The following MAP3K13 variants were observed in gnomAD, a reference collection of about 807,000 sequenced individuals.
MAP3K13 encodes mitogen-activated protein kinase kinase kinase 13.
Under a neutral mutation model 104.0 loss-of-function variants are expected in MAP3K13, and 52 were observed. The ratio of observed to expected loss-of-function variants is 0.50; its 90% CI spans 0.40 to 0.63. The LOEUF (loss-of-function observed/expected upper bound fraction) is 0.63, where lower values mean the gene tolerates loss of function less well. MAP3K13 is among the 20% of genes least tolerant of loss of function. The pLI is 0.00. For missense variants in MAP3K13, 914 were observed against 1,218.5 expected, an observed-to-expected ratio of 0.75 and a Z score of 3.72; for synonymous variants, 394 against 442.2, an observed-to-expected ratio of 0.89 and a Z score of 1.37.
At chr3:185,474,949 G>A (rs1303144966) in intron 11 of MAP3K13, among the ~76,000 whole-genome samples, 1 of 152,012 alleles carries the variant, frequency 6.6e-6, no homozygotes, top group African/African-American at 2.4e-5. Flanking sequence ...ACAAAAATTA[G>A]CCAGGCGTGG....
intron 1 of MAP3K13, among the ~76,000 whole-genome samples, chr3:185,381,561 C>T (rs1351741645): frequency 5.9e-5 from 9 of 152,180 alleles, no homozygotes; most frequent in Admixed American, 5.9e-4. Flanking sequence ...TTTTAGCTCT[C>T]CTATTGTAAA....
At chr3:185,428,432 C>G (rs1714550478) in intron 1 of MAP3K13, 65 bp from the exon 2 acceptor site, 7 of 1,037,506 alleles carry the variant, frequency 6.7e-6, no homozygotes, top group Middle Eastern at 3.3e-4. Flanking sequence ...TTAATGCAAA[C>G]AGAAGTGTCG....
intron 1 of MAP3K13, among the ~76,000 whole-genome samples, chr3:185,388,620 TAG>T (rs1251121616): frequency 6.6e-6 from 1 of 152,164 alleles, no homozygotes; most frequent in African/African-American, 2.4e-5. Context: ...CAAAGCAATC[TAG>T]AGAGTCAATG....
intron 2 of MAP3K13, chr3:185,292,874 A>G: frequency 3.0e-6 from 3 of 984,174 alleles, no homozygotes; most frequent in Non-Finnish European, 3.6e-6. Flanking sequence ...TATGGGAGTT[A>G]TAGATTATAA....
At position 185,402,750 on chromosome 3, in the gene MAP3K13, A is replaced by G. The variant is rs7428038; in HGVS notation, c.-85-25747A>G. Among the ~76,000 whole-genome samples the G allele has an allele frequency of 8.2e-3, 1,242 of 152,260 alleles. 52 individuals carry two copies. The highest frequency in any genetic ancestry group is 0.071 in the East Asian group (368 of 5,180). On this transcript the variant is annotated intron_variant, in intron 1 of 13. Transcript: ENST00000265026. The stretch of plus-strand genomic sequence containing the variant: ...CATATATAATTATGTGCGCATGTGT[A>G]AAAAACCCAGCCCTGATAGGAAAGA...
At chr3:185,365,946 TCCC>T (rs1352021836) in intron 1 of MAP3K13, among the ~76,000 whole-genome samples, 3 of 49,818 alleles carry the variant, frequency 6.0e-5, no homozygotes, top group African/African-American at 6.2e-5. Context: ...CCTCCCTCCC[TCCC>T]TCCCTTCCTT....
chr3:185,398,515 C>T (rs947132273), intron 1 of MAP3K13, among the ~76,000 whole-genome samples: 1 of 152,198 alleles, frequency 6.6e-6, no homozygotes, highest in Non-Finnish European at 1.5e-5. Flanking sequence ...ATCTCCCCTA[C>T]AAGATATTAC....
intron 3 of MAP3K13, 133 bp from the exon 4 acceptor site, chr3:185,443,312 A>T (rs770044702): frequency 6.0e-4 from 364 of 605,482 alleles, no homozygotes; most frequent in Non-Finnish European, 7.4e-4. Context: ...TAATTTGAGA[A>T]TCAGGAACTA....
chr3:185,283,924 C>T (rs1489029793), intron 1 of MAP3K13, among the ~76,000 whole-genome samples: 1 of 129,112 alleles, frequency 7.7e-6, no homozygotes, highest in Non-Finnish European at 1.6e-5. Flanking sequence ...TTTTCTGAGA[C>T]GGAGTCTCGC....
At chr3:185,436,511 C>T (rs1715035603) in intron 2 of MAP3K13, among the ~76,000 whole-genome samples, 2 of 152,172 alleles carry the variant, frequency 1.3e-5, no homozygotes, top group South Asian at 4.1e-4. Context: ...GGAGAATTTA[C>T]TTAACCACCC....
intron 11 of MAP3K13, among the ~76,000 whole-genome samples, chr3:185,474,498 C>G (rs1314665495): frequency 6.6e-6 from 1 of 152,196 alleles, no homozygotes; most frequent in East Asian, 1.9e-4. Flanking sequence ...ATTCCTAGGG[C>G]ACATTAACAG....
intron 2 of MAP3K13, among the ~76,000 whole-genome samples, chr3:185,429,719 C>G (rs2088107318): frequency 6.6e-6 from 1 of 152,080 alleles, no homozygotes; most frequent in African/African-American, 2.4e-5. Flanking sequence ...AATTTAAAAC[C>G]AGACAGAAGC....
intron 2 of MAP3K13, among the ~76,000 whole-genome samples, chr3:185,305,567 T>C (rs1207755587): frequency 6.6e-6 from 1 of 152,224 alleles, no homozygotes; most frequent in East Asian, 1.9e-4. Flanking sequence ...TGTATTTACC[T>C]GTGTATTTAC....
chr3:185,434,925 A>G (rs1355974185), intron 2 of MAP3K13, among the ~76,000 whole-genome samples: 1 of 152,154 alleles, frequency 6.6e-6, no homozygotes, highest in Non-Finnish European at 1.5e-5. Flanking sequence ...GAGTCCAGTA[A>G]TAATACTTTA....
At chr3:185,396,581 TA>T (rs1712435669) in intron 1 of MAP3K13, among the ~76,000 whole-genome samples, 1 of 152,180 alleles carries the variant, frequency 6.6e-6, no homozygotes, top group Non-Finnish European at 1.5e-5. Context: ...CAAATGAAAT[TA>T]AAATGTATGA....
intron 1 of MAP3K13, among the ~76,000 whole-genome samples, chr3:185,381,917 T>G (rs1472517576): frequency 6.6e-6 from 1 of 152,224 alleles, no homozygotes; most frequent in Non-Finnish European, 1.5e-5. Flanking sequence ...TGGCTCAATA[T>G]TCACTAGTTC....
At chr3:185,297,057 G>A (rs1720940377) in intron 2 of MAP3K13, among the ~76,000 whole-genome samples, 1 of 152,068 alleles carries the variant, frequency 6.6e-6, no homozygotes, top group Admixed American at 6.6e-5. Context: ...TTTGTTCTCT[G>A]GCACAGGTCA....
intron 7 of MAP3K13, among the ~76,000 whole-genome samples, chr3:185,452,220 TTTA>T (rs1157411997): frequency 7.2e-5 from 11 of 151,888 alleles, no homozygotes; most frequent in African/African-American, 2.2e-4. Context: ...TCTCAAAACT[TTTA>T]TTTTTATTTT....
At chr3:185,426,397 T>C (rs1714423098) in intron 1 of MAP3K13, among the ~76,000 whole-genome samples, 1 of 152,140 alleles carries the variant, frequency 6.6e-6, no homozygotes, top group Admixed American at 6.6e-5. Flanking sequence ...GATGTTTTCA[T>C]TGGTTCACTA....
Sources: gnomAD v4.1 joint callset for allele counts (sites outside exome capture counted in the v4.1 genomes callset) on GRCh38, gnomAD v4.1.1 for gene constraint, MANE v1.5 for transcripts, NCBI Gene and HGNC (gene_info 2026-07-23, HGNC 2026-07-21) for gene names.